EPB41L2: variants seen among roughly 807,000 people sequenced by gnomAD.
The protein encoded by EPB41L2 is band 4.1-like protein 2.
Under a neutral mutation model 113.0 loss-of-function variants are expected in EPB41L2, and 43 were observed. The observed-to-expected ratio is 0.38, with a 90% CI of 0.30 to 0.49. The LOEUF is 0.49. EPB41L2 is among the 20% of genes least tolerant of loss of function. The probability of loss-of-function intolerance (pLI) is 0.95; values close to 1 mark genes in which losing one functional copy is unlikely to be tolerated. For synonymous variants in EPB41L2, 442 were observed against 436.7 expected (o/e 1.01, Z -0.15); for missense variants, 1,147 against 1,223.4 (o/e 0.94, Z 0.93).
intron 8 of EPB41L2, among the ~76,000 whole-genome samples, chr6:130,898,004 C>T (rs1292732097): frequency 1.4e-5 from 2 of 146,926 alleles, no homozygotes; most frequent in African/African-American, 5.1e-5. Context: ...ACAGAAAAAT[C>T]TTATAATAGT....
At position 130,922,898 on chromosome 6, in the gene EPB41L2, A is replaced by G. The variant is rs550443491; in HGVS notation, c.810+3707T>C. Among the ~76,000 whole-genome samples the G allele has an allele frequency of 4.9e-4, 74 of 152,300 alleles. 1 individual carries two copies. Among genetic ancestry groups the G allele is most frequent in the Non-Finnish European group, 8.1e-4 (55 of 68,026 alleles). On this transcript the variant is annotated intron_variant, in intron 4 of 19. Transcript: ENST00000337057. Reference sequence around the variant, plus strand: ...CACTGCTAAGACAGATTATACCTAGAGTGGAGTATTTGTTCCATGCAAGCT... The same window carrying G: ...CACTGCTAAGACAGATTATACCTAGGGTGGAGTATTTGTTCCATGCAAGCT...
chr6:130,870,487 A>T, intron 14 of EPB41L2: 1 of 1,189,226 alleles, frequency 8.4e-7, no homozygotes, highest in African/African-American at 1.5e-5. Context: ...AAGAATCAAC[A>T]TCTACAGAAA....
intron 3 of EPB41L2, among the ~76,000 whole-genome samples, chr6:130,954,474 A>C (rs1292646964): frequency 6.6e-6 from 1 of 152,194 alleles, no homozygotes; most frequent in Non-Finnish European, 1.5e-5. Context: ...AAAACAAGAT[A>C]ATCCATTAAA....
chr6:130,917,625 G>A (rs868153400), intron 4 of EPB41L2, among the ~76,000 whole-genome samples: 7 of 151,988 alleles, frequency 4.6e-5, no homozygotes, highest in African/African-American at 7.3e-5. Flanking sequence ...TCTCCTTGTC[G>A]TATCTGGAGC....
chr6:130,883,834 A>C (rs752326511), intron 12 of EPB41L2, among the ~76,000 whole-genome samples: 30 of 152,234 alleles, frequency 2.0e-4, no homozygotes, highest in Non-Finnish European at 4.3e-4. Context: ...TTAACGATGG[A>C]ATGTCGATGA....
intron 4 of EPB41L2, among the ~76,000 whole-genome samples, chr6:130,918,730 C>T (rs750910875): frequency 2.6e-5 from 4 of 152,050 alleles, no homozygotes; most frequent in African/African-American, 9.7e-5. Context: ...TACAAATAAT[C>T]GTGGTTTTCA....
chr6:130,967,617 C>T (rs1371420017), intron 1 of EPB41L2, among the ~76,000 whole-genome samples: 1 of 152,106 alleles, frequency 6.6e-6, no homozygotes, highest in Non-Finnish European at 1.5e-5. Context: ...GCTGGTCATA[C>T]ATAAACATTC....
chr6:130,981,634 C>G (rs1779398102), intron 1 of EPB41L2, among the ~76,000 whole-genome samples: 4 of 152,184 alleles, frequency 2.6e-5, no homozygotes, highest in Admixed American at 2.0e-4. Context: ...AAGACATCTT[C>G]CACTGAAGTT....
At chr6:130,867,711 G>T in intron 15 of EPB41L2, 130 bp from the exon 16 acceptor site, 1 of 1,217,136 alleles carries the variant, frequency 8.2e-7, no homozygotes. Flanking sequence ...AAGAGTAAAA[G>T]CAAACAACCT....
intron 1 of EPB41L2, among the ~76,000 whole-genome samples, chr6:131,035,045 G>A (rs1793005641): frequency 6.6e-6 from 1 of 152,174 alleles, no homozygotes; most frequent in Non-Finnish European, 1.5e-5. Flanking sequence ...CACAGCTTAA[G>A]CATGCTACCA....
At chr6:130,954,211 C>A (rs1170416941) in intron 3 of EPB41L2, among the ~76,000 whole-genome samples, 1 of 151,776 alleles carries the variant, frequency 6.6e-6, no homozygotes, top group Non-Finnish European at 1.5e-5. Context: ...CGCCACTACG[C>A]CTGGCTAATT....
At chr6:130,933,052 C>T (rs770038758) in intron 3 of EPB41L2, among the ~76,000 whole-genome samples, 5 of 152,216 alleles carry the variant, frequency 3.3e-5, no homozygotes, top group Non-Finnish European at 5.9e-5. Flanking sequence ...TAGGGCATTT[C>T]CAAATACATT....
chr6:131,040,667 A>G (rs1292428202), intron 1 of EPB41L2, among the ~76,000 whole-genome samples: 1 of 152,196 alleles, frequency 6.6e-6, no homozygotes, highest in Non-Finnish European at 1.5e-5. Context: ...AGGGAAAACT[A>G]TAATTTTACA....
chr6:130,868,588 G>A (rs995081787), intron 15 of EPB41L2: 6 of 152,178 alleles, frequency 3.9e-5, no homozygotes, highest in Non-Finnish European at 5.9e-5. Context: ...TGAAACAGAA[G>A]TTTAAAAGTA....
At chr6:131,043,891 TAG>T (rs1273485324) in intron 1 of EPB41L2, among the ~76,000 whole-genome samples, 1 of 151,812 alleles carries the variant, frequency 6.6e-6, no homozygotes, top group Non-Finnish European at 1.5e-5. Context: ...GTGAAGTGAA[TAG>T]AGAGACAGAT....
intron 1 of EPB41L2, among the ~76,000 whole-genome samples, chr6:131,057,067 T>TA (rs889327482): frequency 1.9e-4 from 29 of 150,468 alleles, no homozygotes; most frequent in Admixed American, 4.0e-4. Context: ...GTGAAAAAAT[T>TA]AAAAAAAAAG....
rs375675006 is a variant in EPB41L2 at position 130,846,458 on chromosome 6, T to C, written c.*6-5860A>G. ...TGAGAACTGCTTATGTCCAATCTGC[T>C]ATCACTAAACTACTGCCGTTTTCTT... On this transcript the variant is annotated intron_variant, in intron 19 of 19. Transcript: ENST00000337057. 2.3e-4 allele frequency among the ~76,000 whole-genome samples: 35 copies of C among 152,358 alleles called. No individual in the cohort carries two copies. The East Asian group carries it at 6.0e-3, about 26-fold the overall frequency.
chr6:130,856,919 A>G (rs1780416751), intron 19 of EPB41L2, among the ~76,000 whole-genome samples: 1 of 152,178 alleles, frequency 6.6e-6, no homozygotes, highest in Non-Finnish European at 1.5e-5. Flanking sequence ...AGCAAATATA[A>G]TACTCTGGTT....
intron 19 of EPB41L2, among the ~76,000 whole-genome samples, chr6:130,856,057 G>C (rs1411627162): frequency 5.9e-5 from 9 of 151,978 alleles, no homozygotes; most frequent in African/African-American, 9.7e-5. Flanking sequence ...GGGAAAGAAG[G>C]GCTCTTCAAT....
Sources: allele counts gnomAD v4.1 joint callset (sites outside exome capture counted in the v4.1 genomes callset), GRCh38; gene constraint gnomAD v4.1.1; transcripts MANE v1.5; gene names NCBI Gene and HGNC (gene_info 2026-07-23, HGNC 2026-07-21).